SH3RF3: variants seen among roughly 807,000 people sequenced by gnomAD.
The protein encoded by SH3RF3 is SH3 domain containing ring finger 3, also known as E3 ubiquitin-protein ligase SH3RF3.
SH3RF3 carries 29 observed loss-of-function variants against 66.3 expected under a neutral mutation model. The observed-to-expected ratio is 0.44, with a 90% CI of 0.33 to 0.60. SH3RF3 has a LOEUF of 0.60. Among genes scored for constraint, SH3RF3 ranks in the 20% least tolerant of loss-of-function variants. The pLI is 0.04. For synonymous variants in SH3RF3, 583 were observed against 532.0 expected, an observed-to-expected ratio of 1.10 and a Z score of -1.32; for missense variants, 1,194 against 1,190.9, an observed-to-expected ratio of 1.00 and a Z score of -0.04.
chr2:109,342,374 A>G (rs1204222233), intron 1 of SH3RF3, among the ~76,000 whole-genome samples: 1 of 152,186 alleles, frequency 6.6e-6, no homozygotes, highest in African/African-American at 2.4e-5. Flanking sequence ...CAGTAGATAT[A>G]TGGAGCGTAT....
At chr2:109,352,902 CA>C (rs1184811274) in intron 2 of SH3RF3, among the ~76,000 whole-genome samples, 1 of 152,262 alleles carries the variant, frequency 6.6e-6, no homozygotes, top group Non-Finnish European at 1.5e-5. Context: ...TTTTGATTTG[CA>C]GGCAAAGCTT....
chr2:109,323,201 A>G (rs1326166667), intron 1 of SH3RF3, among the ~76,000 whole-genome samples: 2 of 152,168 alleles, frequency 1.3e-5, no homozygotes, highest in African/African-American at 4.8e-5. Context: ...TAGAGTGGGA[A>G]GGAGGGCCGG....
chr2:109,453,862 G>C (rs1314703649), intron 8 of SH3RF3, among the ~76,000 whole-genome samples: 1 of 152,194 alleles, frequency 6.6e-6, no homozygotes, highest in African/African-American at 2.4e-5. Context: ...ACAGATGGGA[G>C]GATCCTTGGC....
chr2:109,218,092 A>G (rs116600495), intron 1 of SH3RF3, among the ~76,000 whole-genome samples: 15 of 152,218 alleles, frequency 9.9e-5, no homozygotes, highest in African/African-American at 3.4e-4. Context: ...AGAGTAGTCA[A>G]TAGAGGTTTT....
intron 1 of SH3RF3, among the ~76,000 whole-genome samples, chr2:109,152,997 G>A (rs968046981): frequency 1.3e-5 from 2 of 152,218 alleles, no homozygotes; most frequent in African/African-American, 4.8e-5. Flanking sequence ...AGCTGAGTTT[G>A]AGCCTGTCTT....
At chr2:109,301,822 C>T (rs1681476239) in intron 1 of SH3RF3, among the ~76,000 whole-genome samples, 1 of 152,128 alleles carries the variant, frequency 6.6e-6, no homozygotes, top group Non-Finnish European at 1.5e-5. Context: ...TCATTCTGGC[C>T]CTGTCTTGCC....
intron 8 of SH3RF3, among the ~76,000 whole-genome samples, chr2:109,474,362 T>TTAC (rs879529995): frequency 2.6e-5 from 4 of 152,184 alleles, no homozygotes; most frequent in Non-Finnish European, 4.4e-5. Context: ...CCATTTGGGC[T>TTAC]GTAAGTGTGA....
At chr2:109,388,113 A>G (rs972456216) in intron 3 of SH3RF3, among the ~76,000 whole-genome samples, 1 of 151,856 alleles carries the variant, frequency 6.6e-6, no homozygotes, top group African/African-American at 2.4e-5. Context: ...TCACCATCCT[A>G]CGCCTGCCCA....
chr2:109,498,962 G>A (rs1204749039), intron 9 of SH3RF3, among the ~76,000 whole-genome samples: 4 of 152,198 alleles, frequency 2.6e-5, no homozygotes, highest in South Asian at 4.1e-4. Context: ...CTGGTGGAGT[G>A]GGAAGGGCGC....
chr2:109,215,154 TTCTC>T (rs752904795), intron 1 of SH3RF3, among the ~76,000 whole-genome samples: 1 of 152,180 alleles, frequency 6.6e-6, no homozygotes, highest in African/African-American at 2.4e-5. Context: ...CTTTCTGTGT[TTCTC>T]TCTCTCTGAG....
chr2:109,153,704 G>T (rs1677272848), intron 1 of SH3RF3, among the ~76,000 whole-genome samples: 2 of 152,144 alleles, frequency 1.3e-5, no homozygotes, highest in African/African-American at 4.8e-5. Flanking sequence ...TAGTCTCCAG[G>T]GTGTGTACTT....
rs567504129 is a variant in SH3RF3, at chr2:109,364,257, T to C, written c.850-7329T>C. Among the ~76,000 whole-genome samples the C allele has an allele frequency of 3.9e-5, 6 of 152,154 alleles. No homozygotes were observed. In the South Asian group the frequency reaches 1.2e-3, roughly 32 times the overall value. On this transcript the variant is annotated intron_variant, in intron 2 of 9. Transcript: ENST00000309415. ...CTCAGAGAGTCTTTCCTCAACTGTGTCCAGTCTCCTAATAAGCACGTCGAA... is the reference window on the plus strand; with the variant it reads ...CTCAGAGAGTCTTTCCTCAACTGTGCCCAGTCTCCTAATAAGCACGTCGAA...
chr2:109,280,327 G>T (rs1431926925), intron 1 of SH3RF3, among the ~76,000 whole-genome samples: 1 of 152,194 alleles, frequency 6.6e-6, no homozygotes, highest in African/African-American at 2.4e-5. Context: ...GCCCAGAGAG[G>T]GGGCCCCACA....
At chr2:109,470,678 G>T (rs1438077874) in intron 8 of SH3RF3, among the ~76,000 whole-genome samples, 1 of 152,212 alleles carries the variant, frequency 6.6e-6, no homozygotes, top group Non-Finnish European at 1.5e-5. Context: ...CTGTGGCCGG[G>T]GCTGGTGGAG....
chr2:109,367,553 A>G (rs1683175140), intron 2 of SH3RF3, among the ~76,000 whole-genome samples: 1 of 152,194 alleles, frequency 6.6e-6, no homozygotes, highest in African/African-American at 2.4e-5. Flanking sequence ...AAGTGCTGGG[A>G]TTACAGGCAT....
intron 1 of SH3RF3, among the ~76,000 whole-genome samples, chr2:109,282,282 T>C (rs1680914359): frequency 7.3e-6 from 1 of 136,856 alleles, no homozygotes; most frequent in Admixed American, 7.1e-5. Flanking sequence ...GTAGATCAGA[T>C]TGACTGTTTA....
chr2:109,327,336 CAT>C (rs915826714), intron 1 of SH3RF3, among the ~76,000 whole-genome samples: 13 of 152,186 alleles, frequency 8.5e-5, no homozygotes, highest in Non-Finnish European at 1.8e-4. Flanking sequence ...ATCATCTGCA[CAT>C]GTTTGTGTCT....
intron 1 of SH3RF3, among the ~76,000 whole-genome samples, chr2:109,340,657 C>T (rs973055312): frequency 2.0e-5 from 3 of 152,144 alleles, no homozygotes; most frequent in African/African-American, 7.2e-5. Flanking sequence ...AGCAAGTAGT[C>T]AATGATCATT....
chr2:109,171,406 A>G (rs1558938983), intron 1 of SH3RF3, among the ~76,000 whole-genome samples: 1 of 152,322 alleles, frequency 6.6e-6, no homozygotes, highest in South Asian at 2.1e-4. Flanking sequence ...TTCGGAGAAA[A>G]TTATCTGCAT....
Sources: allele counts gnomAD v4.1 joint callset (sites outside exome capture counted in the v4.1 genomes callset), GRCh38; gene constraint gnomAD v4.1.1; transcripts MANE v1.5; gene names NCBI Gene and HGNC (gene_info 2026-07-23, HGNC 2026-07-21).